Variants in CHD6 observed in about 807,000 individuals in gnomAD.
CHD6 encodes chromodomain helicase DNA binding protein 6.
In CHD6, 50 loss-of-function variants were observed where a neutral mutation model predicts 276.9. The ratio of observed to expected loss-of-function variants is 0.18; its 90% CI spans 0.14 to 0.23. The LOEUF (loss-of-function observed/expected upper bound fraction) is 0.23, where lower values mean the gene tolerates loss of function less well. Among genes scored for constraint, CHD6 ranks in the 10% least tolerant of loss-of-function variants. The pLI, the probability that CHD6 is intolerant of heterozygous loss-of-function variation, is 1.00. For missense variants in CHD6, 2,564 were observed against 3,365.8 expected, an observed-to-expected ratio of 0.76 and a Z score of 5.89; for synonymous variants, 1,173 against 1,229.3, an observed-to-expected ratio of 0.95 and a Z score of 0.96.
At chr20:41,550,552 T>A (rs2045129871) in intron 2 of CHD6, among the ~76,000 whole-genome samples, 2 of 151,996 alleles carry the variant, frequency 1.3e-5, no homozygotes, top group East Asian at 1.9e-4. Context: ...AAGGTAGGAG[T>A]GGCTAGTCTC....
intron 1 of CHD6, among the ~76,000 whole-genome samples, chr20:41,562,225 G>A (rs1002157853): frequency 6.6e-6 from 1 of 150,750 alleles, no homozygotes; most frequent in East Asian, 1.9e-4. Context: ...ATTCTTTTTT[G>A]AGTGTGCTCT....
intron 1 of CHD6, among the ~76,000 whole-genome samples, chr20:41,559,836 C>T (rs1398084012): frequency 2.6e-5 from 4 of 151,910 alleles, no homozygotes; most frequent in African/African-American, 4.8e-5. Flanking sequence ...AACCCCACAA[C>T]TCTTCCAAAA....
intron 5 of CHD6, among the ~76,000 whole-genome samples, chr20:41,503,338 A>G (rs190774695): frequency 9.9e-5 from 15 of 152,248 alleles, no homozygotes; most frequent in Non-Finnish European, 1.8e-4. Flanking sequence ...ATTCTGTTCA[A>G]TTTTCTACAT....
At chr20:41,578,983 A>T (rs1568713908) in intron 1 of CHD6, among the ~76,000 whole-genome samples, 3 of 151,484 alleles carry the variant, frequency 2.0e-5, no homozygotes, top group African/African-American at 4.9e-5. Context: ...TATAAAAATT[A>T]GCTGGGTGTG....
In CHD6 at chr20:41,440,116, G is replaced by A; in HGVS notation, c.3891C>T (p.Tyr1297=). 1 of 1,614,070 alleles carries A rather than the reference G, an allele frequency of 6.2e-7. No individual in the cohort carries two copies. The highest frequency in any genetic ancestry group is 8.5e-7 in the Non-Finnish European group (1 of 1,179,928). ...IGVFKHGYER[Y]NAMRADPALC... ...GTGCTGGGTCTGCTCGCATGGCATTGTACCTTTCATAACCTGATCAAGAGT... is the reference window on the plus strand; with the variant it reads ...GTGCTGGGTCTGCTCGCATGGCATTATACCTTTCATAACCTGATCAAGAGT... The change falls in exon 26 of 37, where the codon TAC becomes TAT. Residue 1297 remains tyrosine (Y), a synonymous_variant. Coordinates refer to ENST00000373233, the MANE Select transcript of CHD6 (RefSeq NM_032221.5).
intron 7 of CHD6, chr20:41,497,724 G>C (rs2043722204): frequency 5.5e-6 from 3 of 545,626 alleles, no homozygotes; most frequent in Non-Finnish European, 9.9e-6. Context: ...GCAGCTTCTA[G>C]AGAAACTGGC....
intron 1 of CHD6, among the ~76,000 whole-genome samples, chr20:41,555,332 C>G (rs1242422036): frequency 6.8e-6 from 1 of 147,132 alleles, no homozygotes; most frequent in Non-Finnish European, 1.5e-5. Context: ...CCCCTCACCT[C>G]CCGGACGGGG....
intron 1 of CHD6, among the ~76,000 whole-genome samples, chr20:41,566,699 G>T (rs974641938): frequency 9.2e-5 from 14 of 152,126 alleles, no homozygotes; most frequent in Non-Finnish European, 1.9e-4. Flanking sequence ...TACAAAGCCT[G>T]CCTCCCATAG....
chr20:41,588,197 T>C (rs2045616696), intron 1 of CHD6, among the ~76,000 whole-genome samples: 2 of 152,106 alleles, frequency 1.3e-5, no homozygotes, highest in African/African-American at 4.8e-5. Context: ...TCCAGCAGGA[T>C]AAATGTGTTA....
intron 1 of CHD6, among the ~76,000 whole-genome samples, chr20:41,558,557 C>T (rs539997269): frequency 6.6e-6 from 1 of 152,298 alleles, no homozygotes; most frequent in East Asian, 1.9e-4. Context: ...TAAGGATGCT[C>T]CTATTAAGAA....
rs189973084 is a variant in CHD6 at position 41,608,274 on chromosome 20, C to G, written c.-24+10066G>C. On this transcript the variant is annotated intron_variant, in intron 1 of 36. Transcript: ENST00000373233. ...TTCCATTAAGCAAAAAAATAGTAAA[C>G]AAGATTTACCAAAATAGTACAACAA... Among the ~76,000 whole-genome samples, 401 of 152,150 alleles carry G rather than the reference C, an allele frequency of 2.6e-3. 1 individual carries two copies. The highest frequency in any genetic ancestry group is 9.3e-3 in the African/African-American group (388 of 41,512).
chr20:41,435,859 T>TA (rs1156524753), intron 27 of CHD6, among the ~76,000 whole-genome samples: 1 of 152,134 alleles, frequency 6.6e-6, no homozygotes, highest in Non-Finnish European at 1.5e-5. Context: ...TTTTAAAACT[T>TA]ACGGTATTGC....
chr20:41,421,307 A>G lies in CHD6; in HGVS notation c.5328T>C (p.Asn1776=). Residue 1776 remains asparagine, a synonymous_variant, in exon 31 of 37, where the codon AAT becomes AAC. Transcript: ENST00000373233. ...AAATAGACATCAACAAATGTTTTCC[A>G]TTTTTGATGTTTGCTTGAGCTACTC... is the stretch of plus-strand genomic sequence containing the variant. ...AGGVAQANIK[N]GKHLLMSISK... 6.2e-7 allele frequency: 1 copy of G among 1,614,102 alleles called. No individual in the cohort carries two copies. The highest frequency in any genetic ancestry group is 8.5e-7 in the Non-Finnish European group (1 of 1,180,016).
chr20:41,404,435 C>CG lies in CHD6; in HGVS notation c.*157_*158insC. The stretch of plus-strand genomic sequence containing the variant: ...CTAATGAAGTGGTGAGACCCTGCAA[C>CG]TATTAACATCTGTTACCATAGTTCT... On this transcript the variant is annotated 3_prime_UTR_variant, in exon 37 of 37. Coordinates refer to ENST00000373233, the MANE Select transcript of CHD6 (RefSeq NM_032221.5). 1.5e-5 allele frequency: 20 copies of CG among 1,329,692 alleles called. No individual in the cohort carries two copies. The South Asian group carries it at 2.2e-4, about 15-fold the overall frequency. 82.4% of individuals were successfully genotyped at this position (1,329,692 alleles called of 1,614,324 possible).
chr20:41,417,230 T>G lies in CHD6; in HGVS notation c.6247A>C (p.Lys2083Gln). 1 of 1,614,020 alleles carries G rather than the reference T, an allele frequency of 6.2e-7. No homozygotes were observed. Among genetic ancestry groups the G allele is most frequent in the Non-Finnish European group, 8.5e-7 (1 of 1,179,972 alleles). Residue 2083 changes from lysine to glutamine, a missense_variant, in exon 32 of 37, where the codon AAA becomes CAA. Lys to Gln is a moderately conservative substitution (Grantham distance 53, BLOSUM62 1). Around this residue, in one of 7 missense-constraint regions of CHD6, gnomAD observed 1,024 missense variants for 1,047.9 expected, o/e 0.98. Transcript: ENST00000373233. ...CACTCAGAGAAGGAATAGAGAGTTTTCTCCTGTAGCAGCTGAGCAATAGTG... is the reference window on the plus strand; with the variant it reads ...CACTCAGAGAAGGAATAGAGAGTTTGCTCCTGTAGCAGCTGAGCAATAGTG... ...APTIAQLLQE[K>Q]TLYSFSEWPK...
intron 25 of CHD6, among the ~76,000 whole-genome samples, chr20:41,440,872 G>C (rs1019600819): frequency 1.3e-5 from 2 of 152,252 alleles, no homozygotes; most frequent in African/African-American, 4.8e-5. Flanking sequence ...TGGAAGAGCT[G>C]AGTGTAAATG....
chr20:41,545,845 G>C (rs1230887715), intron 2 of CHD6, among the ~76,000 whole-genome samples: 3 of 151,972 alleles, frequency 2.0e-5, no homozygotes, highest in African/African-American at 7.3e-5. Flanking sequence ...TTCCTCCTGA[G>C]GACCCTGAAG....
chr20:41,525,427 C>T (rs2044507458), intron 3 of CHD6, among the ~76,000 whole-genome samples: 1 of 152,208 alleles, frequency 6.6e-6, no homozygotes, highest in Non-Finnish European at 1.5e-5. Flanking sequence ...TGCTCCATTG[C>T]AAGGAGGAAA....
intron 2 of CHD6, among the ~76,000 whole-genome samples, chr20:41,539,847 T>C (rs1377964503): frequency 6.6e-6 from 1 of 152,200 alleles, no homozygotes; most frequent in Non-Finnish European, 1.5e-5. Flanking sequence ...ACACCCATCA[T>C]CTGGAATAAT....
Sources: gnomAD v4.1 joint callset for allele counts (sites outside exome capture counted in the v4.1 genomes callset) on GRCh38, gnomAD v4.1.1 for gene constraint, gnomAD v4.1.1 regional missense constraint, MANE v1.5 for transcripts, NCBI Gene and HGNC (gene_info 2026-07-23, HGNC 2026-07-21) for gene names.